Variants in ITGB6 observed in about 807,000 individuals in gnomAD.
ITGB6 encodes the protein integrin subunit beta 6, also known as integrin beta-6.
A neutral mutation model predicts 84.5 loss-of-function variants in ITGB6; 80 were observed. That is an observed-to-expected ratio of 0.95 (90% confidence interval 0.79 to 1.14). ITGB6 has a LOEUF of 1.14. Ranked by LOEUF, ITGB6 falls within the 50% of genes most tolerant of loss-of-function variation. The probability of loss-of-function intolerance (pLI) is 0.00; values close to 1 mark genes in which losing one functional copy is unlikely to be tolerated. For missense variants in ITGB6, 1,006 were observed against 968.0 expected (o/e 1.04, Z -0.52); for synonymous variants, 383 against 354.9 (o/e 1.08, Z -0.89).
chr2:160,112,586 A>G (rs1682581942), intron 12 of ITGB6, among the ~76,000 whole-genome samples: 1 of 152,220 alleles, frequency 6.6e-6, no homozygotes, highest in Non-Finnish European at 1.5e-5. Flanking sequence ...ACATTTCTGC[A>G]CAGTTCAAAC....
chr2:160,150,261 G>T lies in ITGB6; in HGVS notation c.1018-8190C>A, dbSNP rs149448750. On this transcript the variant is annotated intron_variant, in intron 7 of 14. Transcript: ENST00000283249. ...CCATCAGATTAACAACAGATCTCTC[G>T]GCAGAAACCCTACAAGCCAGAAGAG... Among the ~76,000 whole-genome samples the T allele has an allele frequency of 8.9e-3, 1,350 of 152,222 alleles. 20 individuals carry two copies. The highest frequency in any genetic ancestry group is 0.031 in the African/African-American group (1,278 of 41,534).
At position 160,107,600 on chromosome 2, in the gene ITGB6, G is replaced by C. The variant is rs1696958335; in HGVS notation, c.2268+79C>G. On this transcript the variant is annotated intron_variant, in intron 14 of 14. Transcript: ENST00000283249. ...ATGTGACATTTGAACTCCCAGAGCA[G>C]AAGAAAGCTGAGCCCCTCAATCTCT... 3 of 1,318,334 alleles carry C rather than the reference G, an allele frequency of 2.3e-6. No individual in the cohort carries two copies. In the East Asian group the frequency reaches 6.9e-5, roughly 30 times the overall value. The allele number at this position is 1,318,334 out of a possible 1,614,324, so 81.7% of individuals were successfully genotyped here.
At chr2:160,183,774 A>G (rs1478636286) in intron 4 of ITGB6, among the ~76,000 whole-genome samples, 1 of 152,230 alleles carries the variant, frequency 6.6e-6, no homozygotes, top group African/African-American at 2.4e-5. Context: ...AAAGAATGGA[A>G]ATCATAACAA....
intron 10 of ITGB6, among the ~76,000 whole-genome samples, chr2:160,135,427 T>C (rs1211616804): frequency 1.3e-5 from 2 of 149,434 alleles, no homozygotes; most frequent in South Asian, 2.1e-4. Flanking sequence ...TGGAAGAACA[T>C]TCCATGCTCA....
At chr2:160,131,475 G>T (rs1007673913) in intron 10 of ITGB6, among the ~76,000 whole-genome samples, 4 of 152,170 alleles carry the variant, frequency 2.6e-5, no homozygotes, top group African/African-American at 9.6e-5. Context: ...TTGATCCTCT[G>T]TTGCAAATAA....
chr2:160,147,371 A>T (rs984051256), intron 7 of ITGB6, among the ~76,000 whole-genome samples: 1 of 152,222 alleles, frequency 6.6e-6, no homozygotes. Context: ...AGCACTACCC[A>T]TAAAGGAAAA....
chr2:160,141,404 G>T (rs894748527), intron 8 of ITGB6, among the ~76,000 whole-genome samples: 1 of 152,116 alleles, frequency 6.6e-6, no homozygotes, highest in African/African-American at 2.4e-5. Flanking sequence ...AATTTTAAGG[G>T]AGGAATTCTG....
chr2:160,170,236 C>T (rs1192242475), intron 6 of ITGB6, among the ~76,000 whole-genome samples: 1 of 152,164 alleles, frequency 6.6e-6, no homozygotes, highest in African/African-American at 2.4e-5. Context: ...GGAATATTCA[C>T]ATATTCTTAG....
intron 7 of ITGB6, among the ~76,000 whole-genome samples, chr2:160,154,232 A>G (rs1574094973): frequency 6.6e-6 from 1 of 152,230 alleles, no homozygotes; most frequent in South Asian, 2.1e-4. Flanking sequence ...GCACATATAC[A>G]CCATGGAATA....
At chr2:160,168,721 C>T (rs1685095631) in intron 7 of ITGB6, among the ~76,000 whole-genome samples, 1 of 152,078 alleles carries the variant, frequency 6.6e-6, no homozygotes, top group Non-Finnish European at 1.5e-5. Context: ...TGTATTTTGG[C>T]CCCATATAAC....
chr2:160,148,020 C>T (rs1031696734), intron 7 of ITGB6, among the ~76,000 whole-genome samples: 1 of 152,006 alleles, frequency 6.6e-6, no homozygotes, highest in East Asian at 1.9e-4. Context: ...GTCAAAAGAA[C>T]AAGAAAACAA....
rs933082252 is a variant in ITGB6, at chr2:160,166,276, C to A, written c.1017+2936G>T. Among the ~76,000 whole-genome samples the A allele has an allele frequency of 2.0e-5, 3 of 152,254 alleles. No homozygotes were observed. In the East Asian group the frequency reaches 5.8e-4, roughly 29 times the overall value. ...TACCAGTATACTTCTTGTTTACTTT[C>A]CAATTGCTGTGTTTCAGCATTACAT... is the stretch of plus-strand genomic sequence containing the variant. On this transcript the variant is annotated intron_variant, in intron 7 of 14. Transcript: ENST00000283249.
chr2:160,154,542 C>G (rs1684550970), intron 7 of ITGB6, among the ~76,000 whole-genome samples: 1 of 152,144 alleles, frequency 6.6e-6, no homozygotes, highest in Non-Finnish European at 1.5e-5. Context: ...TGTATCAAAC[C>G]TGCACTTTGT....
At chr2:160,141,757 T>C (rs1684008463) in intron 8 of ITGB6, among the ~76,000 whole-genome samples, 1 of 152,152 alleles carries the variant, frequency 6.6e-6, no homozygotes, top group Non-Finnish European at 1.5e-5. Context: ...AACCTCGACT[T>C]TATGATCAGT....
chr2:160,196,411 G>A lies in ITGB6; in HGVS notation c.151C>T (p.His51Tyr), dbSNP rs1014857218. Residue 51 changes from histidine to tyrosine, a missense_variant, in exon 3 of 15, where the codon CAT becomes TAT. His to Tyr is a moderately conservative substitution (Grantham distance 83, BLOSUM62 2). Transcript: ENST00000283249. The part of the protein sequence containing the change: ...CAWCAQENFT[H>Y]PSGVGERCDT... ...CACCTTTCGCCAACTCCAGATGGAT[G>A]AGTAAAATTCTAAAAAAGAAAAAGA... The A allele has an allele frequency of 1.9e-6, 3 of 1,606,454 alleles. No homozygotes were observed. The highest frequency in any genetic ancestry group is 2.7e-5 in the African/African-American group (2 of 74,382).
chr2:160,130,382 G>C (rs995836971), intron 10 of ITGB6, among the ~76,000 whole-genome samples: 1 of 152,042 alleles, frequency 6.6e-6, no homozygotes, highest in Admixed American at 6.6e-5. Flanking sequence ...ATGTATAGAT[G>C]CTTCTGGACT....
chr2:160,114,909 G>C (rs1682696897), intron 12 of ITGB6, among the ~76,000 whole-genome samples: 2 of 152,216 alleles, frequency 1.3e-5, no homozygotes. Flanking sequence ...TGCTAGCACA[G>C]CCGCCTTGTA....
intron 11 of ITGB6, 122 bp downstream of exon 11, chr2:160,126,257 G>C (rs1574058452): frequency 1.2e-6 from 1 of 832,372 alleles, no homozygotes; most frequent in Non-Finnish European, 1.9e-6. Context: ...TGTGTGTTTT[G>C]ATGGATGTTT....
In ITGB6 at chr2:160,138,135, G is replaced by A; in HGVS notation, c.1172C>T (p.Thr391Ile). The change falls in exon 9 of 15, where the codon ACA becomes ATA. Residue 391 changes from threonine (T) to isoleucine (I), a missense_variant. Coordinates refer to ENST00000283249, the MANE Select transcript of ITGB6 (RefSeq NM_000888.5). ...GDTEGLNLSF[T>I]AICNNGTLFQ... is the part of the protein sequence containing the mutation. ...GAGGGTACCGTTGTTACAGATGGCT[G>A]TAAATGACAAGTTGAGTCCTTCAGT... 1 of 1,613,892 alleles carries A rather than the reference G, an allele frequency of 6.2e-7. No homozygotes were observed. The highest frequency in any genetic ancestry group is 8.5e-7 in the Non-Finnish European group (1 of 1,179,890).
Sources: allele counts gnomAD v4.1 joint callset (sites outside exome capture counted in the v4.1 genomes callset), GRCh38; gene constraint gnomAD v4.1.1; transcripts MANE v1.5; gene names NCBI Gene and HGNC (gene_info 2026-07-23, HGNC 2026-07-21).